SFRP1: variants seen among roughly 807,000 people sequenced by gnomAD.
The protein encoded by SFRP1 is secreted frizzled related protein 1, also known as secreted frizzled-related protein 1.
Under a neutral mutation model 25.9 loss-of-function variants are expected in SFRP1, and 9 were observed. The ratio of observed to expected loss-of-function variants is 0.35; its 90% confidence interval spans 0.21 to 0.61. The LOEUF is 0.61. Ranked by LOEUF, SFRP1 falls within the 20% of genes least tolerant of loss-of-function variation. SFRP1 has a pLI of 0.78. For synonymous variants in SFRP1, 178 were observed against 174.0 expected (o/e 1.02, Z -0.18); for missense variants, 346 against 418.2 (o/e 0.83, Z 1.51).
rs1001722709 is a variant in SFRP1 at position 41,265,388 on chromosome 8, CCTT to C, written c.721_723del (p.Lys241del). Reference sequence around the variant, plus strand: ...AGGTACAGCACAAGCTTCTTCAGGTCCTTCTTCTTGATGGGCCCCAACTTCAGG... The same window carrying C: ...AGGTACAGCACAAGCTTCTTCAGGTCCTTCTTGATGGGCCCCAACTTCAGG... On this transcript the variant is annotated inframe_deletion, in exon 3 of 3. Transcript: ENST00000220772. 1 of 1,613,898 alleles carries C rather than the reference CCTT, an allele frequency of 6.2e-7. No homozygotes were observed. The highest frequency in any genetic ancestry group is 1.3e-5 in the African/African-American group (1 of 74,992).
At chr8:41,281,799 G>T (rs1275972141) in intron 2 of SFRP1, among the ~76,000 whole-genome samples, 1 of 152,198 alleles carries the variant, frequency 6.6e-6, no homozygotes, top group African/African-American at 2.4e-5. Context: ...AACTGGGAAA[G>T]GCACAGTCTC....
rs1803384536 is a variant in SFRP1 at position 41,262,250 on chromosome 8, A to ACGGC, written c.*2913_*2916dup. Reference sequence around the variant, plus strand: ...GTGTATCTGCTGGCAACAGGTCAGAACGGCCAGTATGTTATTCCCTGCAGG... The same window carrying ACGGC: ...GTGTATCTGCTGGCAACAGGTCAGAACGGCCGGCCAGTATGTTATTCCCTGCAGG... On this transcript the variant is annotated 3_prime_UTR_variant, in exon 3 of 3. Transcript: ENST00000220772. The ACGGC allele has an allele frequency of 6.6e-6, 1 of 152,230 alleles. No homozygotes were observed. Among genetic ancestry groups the ACGGC allele is most frequent in the Non-Finnish European group, 1.5e-5 (1 of 68,042 alleles). 9.4% of individuals were successfully genotyped at this position (152,230 alleles called of 1,614,324 possible).
chr8:41,265,497 TG>T lies in SFRP1; in HGVS notation c.623-9del. 1 of 1,592,560 alleles carries T rather than the reference TG, an allele frequency of 6.3e-7. No individual in the cohort carries two copies. The highest frequency in any genetic ancestry group is 8.5e-7 in the Non-Finnish European group (1 of 1,172,312). On this transcript the variant is annotated splice_polypyrimidine_tract_variant and intron_variant, in intron 2 of 2. Coordinates refer to ENST00000220772, the MANE Select transcript of SFRP1 (RefSeq NM_003012.5). ...TTATTTTCATCCTCAGTGCTAGAGATGGAGAGGACAGAAGAAGAGAAAAGAG... is the reference window on the plus strand; with the variant it reads ...TTATTTTCATCCTCAGTGCTAGAGATGAGAGGACAGAAGAAGAGAAAAGAG...
At chr8:41,305,140 CT>C (rs1287305092) in intron 1 of SFRP1, among the ~76,000 whole-genome samples, 2 of 152,198 alleles carry the variant, frequency 1.3e-5, no homozygotes, top group African/African-American at 4.8e-5. Context: ...GTGAACTGTG[CT>C]TTTGGGTTTT....
rs565294570 is a variant in SFRP1, at chr8:41,303,530, C to T, written c.553G>A (p.Val185Met). Reference protein sequence around the residue: ...TEASKPQGTTVCPPCDNELKS... With the variant: ...TEASKPQGTTMCPPCDNELKS... ...AACTCGTTGTCACAGGGAGGACACA[C>T]CGTTGTGCCTGGGAAAGGAAGTAGG... Residue 185 changes from valine (V) to methionine (M), a missense_variant, in exon 2 of 3, where the codon GTG (valine) becomes ATG (methionine). Coordinates refer to ENST00000220772, the MANE Select transcript of SFRP1 (RefSeq NM_003012.5). 18 of 1,613,540 alleles carry T rather than the reference C, an allele frequency of 1.1e-5. No homozygotes were observed. The highest frequency in any genetic ancestry group is 6.6e-5 in the South Asian group (6 of 91,056).
chr8:41,303,510 G>C lies in SFRP1; in HGVS notation c.573C>G (p.Asn191Lys). 6.2e-7 allele frequency: 1 copy of C among 1,613,930 alleles called. No individual in the cohort carries two copies. Among genetic ancestry groups the C allele is most frequent in the Non-Finnish European group, 8.5e-7 (1 of 1,179,902 alleles). ...QGTTVCPPCD[N>K]ELKSEAIIEH... ...CAATGATGGCCTCAGATTTCAACTC[G>C]TTGTCACAGGGAGGACACACCGTTG... Residue 191 changes from asparagine (N) to lysine (K), a missense_variant, in exon 2 of 3, where the codon AAC (asparagine) becomes AAG (lysine). Asn to Lys is a moderately conservative substitution (Grantham distance 94, BLOSUM62 0). Transcript: ENST00000220772.
At chr8:41,296,147 G>A (rs1476677353) in intron 2 of SFRP1, among the ~76,000 whole-genome samples, 1 of 152,232 alleles carries the variant, frequency 6.6e-6, no homozygotes, top group Non-Finnish European at 1.5e-5. Flanking sequence ...GGCACAGTGG[G>A]AGTGACAGCA....
intron 2 of SFRP1, among the ~76,000 whole-genome samples, chr8:41,296,457 G>A (rs1290297619): frequency 6.6e-6 from 1 of 151,324 alleles, no homozygotes; most frequent in Non-Finnish European, 1.5e-5. Context: ...CTGCCCTAAG[G>A]TCGGGGCAGG....
At chr8:41,284,841 A>G (rs1476170393) in intron 2 of SFRP1, among the ~76,000 whole-genome samples, 1 of 152,212 alleles carries the variant, frequency 6.6e-6, no homozygotes, top group Non-Finnish European at 1.5e-5. Context: ...GGGTACCCCC[A>G]GGCTGCAAGG....
intron 1 of SFRP1, among the ~76,000 whole-genome samples, chr8:41,308,275 T>C (rs968427): frequency 0.38 from 58,547 of 152,184 alleles, 12,270 homozygotes; most frequent in Admixed American, 0.47. Context: ...TCCCCTGTTA[T>C]TTAAAGCGCA....
Position 41,265,140 on chromosome 8 carries a change from T to TG in SFRP1, c.*26_*27insC. 5.5e-6 allele frequency: 1 copy of TG among 181,528 alleles called. No individual in the cohort carries two copies. Among genetic ancestry groups the TG allele is most frequent in the Non-Finnish European group, 1.1e-5 (1 of 87,578 alleles). 11.2% of individuals were successfully genotyped at this position (181,528 alleles called of 1,614,324 possible). ...CCCCCGCTCCCACCCCACCCGAGGC[T>TG]CCCTCCCCACCCTGCCCCCGGGAGA... On this transcript the variant is annotated 3_prime_UTR_variant, in exon 3 of 3. Transcript: ENST00000220772.
intron 2 of SFRP1, among the ~76,000 whole-genome samples, chr8:41,289,348 A>C (rs1051755900): frequency 6.6e-6 from 1 of 152,252 alleles, no homozygotes; most frequent in African/African-American, 2.4e-5. Context: ...AGTCACAAAC[A>C]GTTCAGTAGC....
At position 41,308,663 on chromosome 8, in the gene SFRP1, C is replaced by T. The variant is rs1804029684; in HGVS notation, c.497G>A (p.Cys166Tyr). The change falls in exon 1 of 3, where the codon TGC becomes TAC. Residue 166 changes from cysteine (C) to tyrosine (Y), a missense_variant. Cys to Tyr is a radical substitution (Grantham distance 194, BLOSUM62 -2). Transcript: ENST00000220772. ...KCDKFPEGDV[C>Y]IAMTPPNATE... Reference sequence around the variant, plus strand: ...GGCATTGGGCGGCGTCATGGCGATGCAGACGTCCCCCTCGGGGAACTTGTC... The same window carrying T: ...GGCATTGGGCGGCGTCATGGCGATGTAGACGTCCCCCTCGGGGAACTTGTC... 6.2e-7 allele frequency: 1 copy of T among 1,609,804 alleles called. No homozygotes were observed. The highest frequency in any genetic ancestry group is 8.5e-7 in the Non-Finnish European group (1 of 1,177,562).
chr8:41,308,812 G>T lies in SFRP1; in HGVS notation c.348C>A (p.Leu116=). The change falls in exon 1 of 3, where the codon CTC becomes CTA. Residue 116 remains leucine, a synonymous_variant. Transcript: ENST00000220772. ...GCCGGTCCAGGCAGACGGGCGCGAAGAGCGAGCAGAGGAAGACCTGGGTGC... is the reference window on the plus strand; with the variant it reads ...GCCGGTCCAGGCAGACGGGCGCGAATAGCGAGCAGAGGAAGACCTGGGTGC... ...HAGTQVFLCS[L]FAPVCLDRPI... is the part of the protein sequence containing the mutation. The T allele has an allele frequency of 6.2e-7, 1 of 1,610,620 alleles. No homozygotes were observed.
intron 2 of SFRP1, among the ~76,000 whole-genome samples, chr8:41,300,918 A>G (rs899843761): frequency 4.6e-5 from 7 of 152,178 alleles, no homozygotes; most frequent in African/African-American, 1.7e-4. Flanking sequence ...TCAGCACACA[A>G]GCTTTTCTGC....
chr8:41,303,257 G>A (rs1285665083), intron 2 of SFRP1, among the ~76,000 whole-genome samples: 3 of 151,832 alleles, frequency 2.0e-5, no homozygotes, highest in African/African-American at 4.8e-5. Flanking sequence ...CACAAAGGAG[G>A]GCAAAGTATG....
chr8:41,293,920 T>G (rs1428912739), intron 2 of SFRP1, among the ~76,000 whole-genome samples: 1 of 149,702 alleles, frequency 6.7e-6, no homozygotes, highest in Non-Finnish European at 1.5e-5. Flanking sequence ...CCACCATATC[T>G]GGCTACTTTT....
intron 2 of SFRP1, among the ~76,000 whole-genome samples, chr8:41,300,276 G>A (rs1185252701): frequency 6.6e-6 from 1 of 152,182 alleles, no homozygotes; most frequent in East Asian, 1.9e-4. Context: ...ACTAACCTTA[G>A]TGTTGCATAG....
At chr8:41,308,527 G>C (rs1474763170) in intron 1 of SFRP1, 89 bp downstream of exon 1, 4 of 1,071,612 alleles carry the variant, frequency 3.7e-6, no homozygotes, top group Admixed American at 2.6e-5. Flanking sequence ...ACCCAGCGGC[G>C]GGCGGGCGTA....
Sources: allele counts gnomAD v4.1 joint callset (sites outside exome capture counted in the v4.1 genomes callset), GRCh38; gene constraint gnomAD v4.1.1; transcripts MANE v1.5; gene names NCBI Gene and HGNC (gene_info 2026-07-23, HGNC 2026-07-21).